Variants in FAM184B observed in about 807,000 individuals in gnomAD.
FAM184B encodes the protein protein FAM184B.
In FAM184B, 111 loss-of-function variants were observed where a neutral mutation model predicts 135.9. The observed-to-expected ratio is 0.82, with a 90% CI of 0.70 to 0.96. The LOEUF (loss-of-function observed/expected upper bound fraction) is 0.96, where lower values mean the gene tolerates loss of function less well. Among genes scored for constraint, FAM184B ranks in the 40% least tolerant of loss-of-function variants. The probability of loss-of-function intolerance (pLI) is 0.00; values close to 1 mark genes in which losing one functional copy is unlikely to be tolerated. For synonymous variants in FAM184B, 552 were observed against 524.8 expected (o/e 1.05, Z -0.71); for missense variants, 1,375 against 1,323.9 (o/e 1.04, Z -0.60).
At chr4:17,662,134 T>A (rs756918335) in intron 8 of FAM184B, among the ~76,000 whole-genome samples, 11 of 152,172 alleles carry the variant, frequency 7.2e-5, no homozygotes, top group Non-Finnish European at 1.5e-4. Flanking sequence ...TTGCTCCTCA[T>A]CATGACTTTT....
At chr4:17,640,012 T>C (rs1715260828) in intron 13 of FAM184B, among the ~76,000 whole-genome samples, 1 of 151,344 alleles carries the variant, frequency 6.6e-6, no homozygotes, top group Non-Finnish European at 1.5e-5. Context: ...GTATTTTTAG[T>C]AAAGACGGGG....
intron 5 of FAM184B, among the ~76,000 whole-genome samples, chr4:17,700,057 G>C (rs1373630355): frequency 6.6e-6 from 1 of 152,142 alleles, no homozygotes; most frequent in Non-Finnish European, 1.5e-5. Context: ...TGCCAAAAGA[G>C]AGCATACCTA....
At chr4:17,757,809 T>C (rs891761341) in intron 1 of FAM184B, among the ~76,000 whole-genome samples, 1 of 152,048 alleles carries the variant, frequency 6.6e-6, no homozygotes, top group African/African-American at 2.4e-5. Context: ...TGGAATCACA[T>C]CAAGAAATTT....
chr4:17,693,440 T>C, intron 5 of FAM184B, 28 bp from the exon 6 acceptor site: 3 of 1,533,066 alleles, frequency 2.0e-6, no homozygotes, highest in Non-Finnish European at 2.7e-6. Context: ...GAGTTAACCA[T>C]ACAAGGCACG....
intron 6 of FAM184B, among the ~76,000 whole-genome samples, chr4:17,689,587 C>T (rs1200551990): frequency 6.6e-6 from 1 of 152,066 alleles, no homozygotes; most frequent in Non-Finnish European, 1.5e-5. Flanking sequence ...ATAAGAGCAC[C>T]TCCTTAATGG....
chr4:17,729,465 G>A (rs1717721925), intron 1 of FAM184B, among the ~76,000 whole-genome samples: 2 of 152,240 alleles, frequency 1.3e-5, no homozygotes, highest in Admixed American at 1.3e-4. Flanking sequence ...GCGGGTCCTT[G>A]ACCCCCGAGC....
intron 1 of FAM184B, among the ~76,000 whole-genome samples, chr4:17,736,146 G>GC (rs1041755362): frequency 1.3e-5 from 2 of 152,060 alleles, no homozygotes; most frequent in African/African-American, 4.8e-5. Context: ...TCTCATTATT[G>GC]CCCCAGTTTT....
intron 1 of FAM184B, among the ~76,000 whole-genome samples, chr4:17,766,033 C>T (rs13129866): frequency 0.22 from 33,512 of 152,140 alleles, 4,521 homozygotes; most frequent in Non-Finnish European, 0.3. Flanking sequence ...AGACCTTCCC[C>T]GTGAGTGTTA....
chr4:17,641,282 TC>T (rs1292550844), intron 13 of FAM184B, among the ~76,000 whole-genome samples: 2 of 151,456 alleles, frequency 1.3e-5, no homozygotes, highest in African/African-American at 4.9e-5. Flanking sequence ...CTGGGAGAGG[TC>T]AGCTAACTCA....
intron 1 of FAM184B, among the ~76,000 whole-genome samples, chr4:17,738,411 T>C (rs1031333789): frequency 1.3e-5 from 2 of 152,164 alleles, no homozygotes; most frequent in Non-Finnish European, 2.9e-5. Flanking sequence ...TGTATCATCA[T>C]CATTATCATC....
intron 7 of FAM184B, among the ~76,000 whole-genome samples, chr4:17,672,771 T>G (rs1716208698): frequency 6.6e-6 from 1 of 152,202 alleles, no homozygotes; most frequent in Admixed American, 6.5e-5. Flanking sequence ...GTTGTTGGAT[T>G]TGGTTAACTA....
At chr4:17,718,131 T>C (rs1372931129) in intron 1 of FAM184B, among the ~76,000 whole-genome samples, 1 of 152,228 alleles carries the variant, frequency 6.6e-6, no homozygotes, top group Non-Finnish European at 1.5e-5. Context: ...CGGAGAGTTT[T>C]GTTTGGAGAT....
At chr4:17,765,362 A>G (rs1195078691) in intron 1 of FAM184B, among the ~76,000 whole-genome samples, 1 of 152,184 alleles carries the variant, frequency 6.6e-6, no homozygotes, top group African/African-American at 2.4e-5. Flanking sequence ...GGAAACGTCT[A>G]GCAAATAGAA....
At position 17,763,550 on chromosome 4, in the gene FAM184B, T is replaced by C. The variant is rs1035283611; in HGVS notation, c.141+17609A>G. On this transcript the variant is annotated intron_variant, in intron 1 of 17. Coordinates refer to ENST00000265018, the MANE Select transcript of FAM184B (RefSeq NM_015688.2). Reference sequence around the variant, plus strand: ...GGGTCTAGGACAGGAATAGTAAGACTGGACGGACACACTTTGGCAGCGTGA... The same window carrying C: ...GGGTCTAGGACAGGAATAGTAAGACCGGACGGACACACTTTGGCAGCGTGA... Among the ~76,000 whole-genome samples the C allele has an allele frequency of 3.5e-5, 5 of 140,898 alleles. 1 individual carries two copies. The highest frequency in any genetic ancestry group is 4.9e-4 in the South Asian group (2 of 4,076). The allele number at this position is 140,898 out of a possible 152,430, so 92.4% of individuals were successfully genotyped here.
At chr4:17,706,911 A>T (rs552261783) in intron 3 of FAM184B, among the ~76,000 whole-genome samples, 9 of 151,784 alleles carry the variant, frequency 5.9e-5, no homozygotes, top group Middle Eastern at 3.4e-3. Context: ...TCAGCCTCCC[A>T]AGTAGCTAGG....
At position 17,677,136 on chromosome 4, in the gene FAM184B, C is replaced by T. The variant is rs527946368; in HGVS notation, c.1596+11288G>A. On this transcript the variant is annotated intron_variant, in intron 7 of 17. Transcript: ENST00000265018. ...AATCTCAGCTAACTGCAACCTCTGC[C>T]TCCTGGGCTCAAGCTATCTTCCCAC... is the stretch of plus-strand genomic sequence containing the variant. Among the ~76,000 whole-genome samples the T allele has an allele frequency of 2.6e-5, 4 of 152,292 alleles. No individual in the cohort carries two copies. The South Asian group carries it at 6.2e-4, about 24-fold the overall frequency.
chr4:17,764,882 T>G (rs958245634), intron 1 of FAM184B, among the ~76,000 whole-genome samples: 2 of 150,904 alleles, frequency 1.3e-5, no homozygotes, highest in African/African-American at 2.5e-5. Context: ...CTGGACAACA[T>G]AGCAAGAGCT....
At chr4:17,713,337 C>A (rs1246517359) in intron 1 of FAM184B, among the ~76,000 whole-genome samples, 1 of 152,188 alleles carries the variant, frequency 6.6e-6, no homozygotes, top group Non-Finnish European at 1.5e-5. Context: ...AGGAAGTCCC[C>A]TTGTCCTTCC....
At chr4:17,688,125 G>A (rs935841142) in intron 7 of FAM184B, among the ~76,000 whole-genome samples, 1 of 152,188 alleles carries the variant, frequency 6.6e-6, no homozygotes, top group East Asian at 1.9e-4. Context: ...CAAAGGCCCT[G>A]CTCGAGTTGA....
Sources: gnomAD v4.1 joint callset for allele counts (sites outside exome capture counted in the v4.1 genomes callset) on GRCh38, gnomAD v4.1.1 for gene constraint, MANE v1.5 for transcripts, NCBI Gene and HGNC (gene_info 2026-07-23, HGNC 2026-07-21) for gene names.